EGFL6: variants seen among roughly 807,000 people sequenced by gnomAD.
EGFL6 encodes epidermal growth factor-like protein 6.
In EGFL6, 42 loss-of-function variants were observed where a neutral mutation model predicts 43.1. That is an observed-to-expected ratio of 0.98 (90% CI 0.76 to 1.26). EGFL6 has a LOEUF of 1.26. EGFL6 is among the 50% of genes most tolerant of loss of function. The pLI is 0.00. For synonymous variants in EGFL6, 164 were observed against 163.2 expected, an observed-to-expected ratio of 1.01 and a Z score of -0.04; for missense variants, 429 against 427.8, an observed-to-expected ratio of 1.00 and a Z score of -0.02.
At chrX:13,599,156 G>A (rs2045618621) in intron 3 of EGFL6, among the ~76,000 whole-genome samples, 1 of 110,055 alleles carries the variant, frequency 9.1e-6, no homozygotes, top group Admixed American at 9.9e-5. Flanking sequence ...TATGTCAGCG[G>A]CTGCTTGGGA....
At chrX:13,628,142 A>C in intron 11 of EGFL6, among the ~76,000 whole-genome samples, 1 of 110,975 alleles carries the variant, frequency 9.0e-6, no homozygotes. Context: ...AAACAAAGGC[A>C]CTCTTAATCA....
At chrX:13,630,458 A>C (rs1346348167) in intron 11 of EGFL6, among the ~76,000 whole-genome samples, 1 of 111,302 alleles carries the variant, frequency 9.0e-6, no homozygotes, top group Non-Finnish European at 1.9e-5. Flanking sequence ...TATCCCACCC[A>C]TTGCAGCTGC....
rs759361108 is a variant in EGFL6 at position 13,569,763 on chromosome X, G to T, written c.-99G>T. 2.0e-5 allele frequency: 17 copies of T among 843,262 alleles called. No homozygotes were observed. Among genetic ancestry groups the T allele is most frequent in the Non-Finnish European group, 3.0e-5 (17 of 574,162 alleles). 69.5% of individuals were successfully genotyped at this position (843,262 alleles called of 1,213,427 possible). On this transcript the variant is annotated 5_prime_UTR_variant, in exon 1 of 12. Coordinates refer to ENST00000361306, the MANE Select transcript of EGFL6 (RefSeq NM_015507.4). Reference sequence around the variant, plus strand: ...ACTGCGAGTGGAGCGGAGGACCCGAGCGGCTGAGGAGAGAGGAGGCGGCGG... The same window carrying T: ...ACTGCGAGTGGAGCGGAGGACCCGATCGGCTGAGGAGAGAGGAGGCGGCGG...
chrX:13,577,298 T>TA (rs2045477145), intron 1 of EGFL6, among the ~76,000 whole-genome samples: 1 of 24,458 alleles, frequency 4.1e-5, no homozygotes, highest in Non-Finnish European at 7.3e-5. Flanking sequence ...TATATGAATT[T>TA]TATATATATA....
intron 9 of EGFL6, among the ~76,000 whole-genome samples, chrX:13,623,597 C>T (rs1212954678): frequency 2.8e-5 from 3 of 107,600 alleles, no homozygotes; most frequent in Non-Finnish European, 5.8e-5. Flanking sequence ...TGGTCTTGAA[C>T]TCCTGACCTC....
At chrX:13,623,377 G>GTTTCTTTTTTTTTTTTTT (rs2045759342) in intron 9 of EGFL6, among the ~76,000 whole-genome samples, 1 of 40,371 alleles carries the variant, frequency 2.5e-5, no homozygotes, top group Non-Finnish European at 4.2e-5. Context: ...TTTATTTTGG[G>GTTTCTTTTTTTTTTTTTT]TTTTTTTTTT....
chrX:13,621,194 G>C (rs2045746671), intron 9 of EGFL6, among the ~76,000 whole-genome samples: 2 of 112,568 alleles, frequency 1.8e-5, no homozygotes, highest in Admixed American at 9.4e-5. Context: ...TGGTGGTTGG[G>C]GGTGTGCATA....
intron 5 of EGFL6, among the ~76,000 whole-genome samples, chrX:13,604,960 C>T (rs1198864985): frequency 2.7e-5 from 3 of 112,033 alleles, no homozygotes; most frequent in African/African-American, 9.7e-5. Context: ...ATTAGCTAAA[C>T]ACTTTTTAAA....
intron 1 of EGFL6, among the ~76,000 whole-genome samples, chrX:13,576,013 C>T (rs1425614607): frequency 8.9e-6 from 1 of 112,328 alleles, no homozygotes; most frequent in Non-Finnish European, 1.9e-5. Context: ...CCCTTGTGGC[C>T]TAAGATGGCT....
At chrX:13,611,525 C>T (rs774638352) in intron 7 of EGFL6, among the ~76,000 whole-genome samples, 1 of 112,252 alleles carries the variant, frequency 8.9e-6, no homozygotes, top group Non-Finnish European at 1.9e-5. Context: ...CATCTTTCTT[C>T]CTCGTCATTT....
At chrX:13,631,108 G>A (rs982429574) in intron 11 of EGFL6, among the ~76,000 whole-genome samples, 2 of 112,312 alleles carry the variant, frequency 1.8e-5, no homozygotes, top group Non-Finnish European at 3.8e-5. Context: ...GTATGCGTAG[G>A]CTATTGTTGA....
intron 1 of EGFL6, 30 bp downstream of exon 1, chrX:13,569,965 C>A: frequency 8.3e-7 from 1 of 1,199,400 alleles, no homozygotes; most frequent in East Asian, 3.0e-5. Flanking sequence ...TTGGCTTCCC[C>A]CCACCCCCGG....
intron 7 of EGFL6, among the ~76,000 whole-genome samples, chrX:13,611,155 A>G (rs2045686895): frequency 1.8e-5 from 2 of 111,266 alleles, no homozygotes; most frequent in Non-Finnish European, 3.8e-5. Context: ...AGTCATCTGC[A>G]CCCAAATCCT....
At chrX:13,606,311 G>C in intron 5 of EGFL6, 68 bp from the exon 6 acceptor site, 1 of 1,101,517 alleles carries the variant, frequency 9.1e-7, no homozygotes. Context: ...AGCTGTGAGT[G>C]TGCGTGCGTG....
intron 7 of EGFL6, among the ~76,000 whole-genome samples, chrX:13,614,749 ATTTTT>A (rs144356394): frequency 1.1e-5 from 1 of 94,390 alleles, no homozygotes; most frequent in African/African-American, 4.0e-5. Context: ...CTCCCTCCAT[ATTTTT>A]TTTTTTTTTT....
intron 1 of EGFL6, among the ~76,000 whole-genome samples, chrX:13,576,476 A>C (rs972479440): frequency 2.7e-5 from 3 of 111,741 alleles, no homozygotes; most frequent in Non-Finnish European, 5.6e-5. Flanking sequence ...CATCTGTATC[A>C]CCAGCCAATA....
rs141834625 is a variant in EGFL6, at chrX:13,578,950, A to T, written c.74+9015A>T. Among the ~76,000 whole-genome samples, 286 of 111,671 alleles carry T rather than the reference A, an allele frequency of 2.6e-3. 1 individual carries two copies. Among genetic ancestry groups the T allele is most frequent in the African/African-American group, 8.8e-3 (271 of 30,663 alleles). On this transcript the variant is annotated intron_variant, in intron 1 of 11. Coordinates refer to ENST00000361306, the MANE Select transcript of EGFL6 (RefSeq NM_015507.4). ...AAAAATAAATAAATAAATAAATAAAAATTTAGTGGCTTAAAGCAACATTTA... is the reference window on the plus strand; with the variant it reads ...AAAAATAAATAAATAAATAAATAAATATTTAGTGGCTTAAAGCAACATTTA...
At chrX:13,630,235 G>T (rs986473921) in intron 11 of EGFL6, among the ~76,000 whole-genome samples, 2 of 111,951 alleles carry the variant, frequency 1.8e-5, no homozygotes, top group Admixed American at 1.9e-4. Context: ...GCTTTTGATT[G>T]TTATATCCCA....
chrX:13,609,005 T>C (rs2045675763), intron 7 of EGFL6, among the ~76,000 whole-genome samples: 1 of 112,814 alleles, frequency 8.9e-6, no homozygotes, highest in African/African-American at 3.2e-5. Context: ...TGCTGGTGAA[T>C]TATTTAATAC....
Sources: gnomAD v4.1 joint callset for allele counts (sites outside exome capture counted in the v4.1 genomes callset) on GRCh38, gnomAD v4.1.1 for gene constraint, MANE v1.5 for transcripts, NCBI Gene and HGNC (gene_info 2026-07-23, HGNC 2026-07-21) for gene names.